ZNF142: variants seen among roughly 807,000 people sequenced by gnomAD.
ZNF142 encodes zinc finger protein 142, also known as zinc finger protein 142 (clone pHZ-49).
In ZNF142, 96 loss-of-function variants were observed where a neutral mutation model predicts 132.1. The observed-to-expected ratio is 0.73, with a 90% CI of 0.62 to 0.86. The LOEUF is 0.86. ZNF142 is among the 40% of genes least tolerant of loss of function. The pLI is 0.00. For missense variants in ZNF142, 2,163 were observed against 2,336.2 expected (o/e 0.93, Z 1.53); for synonymous variants, 842 against 890.1 (o/e 0.95, Z 0.96).
rs1696629514 is a variant in ZNF142, at chr2:218,634,954, G to A, written c.*3385C>T. On this transcript the variant is annotated 3_prime_UTR_variant, in exon 11 of 11. Coordinates refer to ENST00000411696, the MANE Select transcript of ZNF142 (RefSeq NM_001379659.1). This position sits in a 1 kb window ranked among gnomAD's most constrained non-coding sequence, Gnocchi z 4.0. ...GGCACACAGGAAGTGCTATAAAAGA[G>A]GCTGGCTGGGAGCGATAGCTTACAC... 6.6e-6 allele frequency among the ~76,000 whole-genome samples: 1 copy of A among 152,152 alleles called. No homozygotes were observed. Among genetic ancestry groups the A allele is most frequent in the Admixed American group, 6.5e-5 (1 of 15,282 alleles).
rs1458523667 is a variant in ZNF142 at position 218,649,154 on chromosome 2, T to C, written c.1354A>G (p.Thr452Ala). The change falls in exon 7 of 11, where the codon ACC (threonine) becomes GCC (alanine). Residue 452 changes from threonine to alanine, a missense_variant. Around this residue, in one of 7 missense-constraint regions of ZNF142, gnomAD observed 749 missense variants for 830.3 expected, o/e 0.90. Coordinates refer to ENST00000411696, the MANE Select transcript of ZNF142 (RefSeq NM_001379659.1). ...HEDISNFYSDTYACPVCREEF... is the reference protein window; with the variant it reads ...HEDISNFYSDAYACPVCREEF... ...TCACGGCAGACAGGACAGGCATAGGTGTCTGAGTAGAAGTTGGAAATATCT... is the reference window on the plus strand; with the variant it reads ...TCACGGCAGACAGGACAGGCATAGGCGTCTGAGTAGAAGTTGGAAATATCT... The C allele has an allele frequency of 6.2e-7, 1 of 1,613,960 alleles. No homozygotes were observed. Among genetic ancestry groups the C allele is most frequent in the African/African-American group, 1.3e-5 (1 of 74,898 alleles).
At chr2:218,640,817 A>T in intron 9 of ZNF142, 48 bp from the exon 10 acceptor site, 1 of 1,451,630 alleles carries the variant, frequency 6.9e-7, no homozygotes, top group East Asian at 2.3e-5. Context: ...AGTGCTCAAT[A>T]AATGTTAGCT....
rs1217905028 is a variant in ZNF142 at position 218,634,372 on chromosome 2, C to T, written c.*3967G>A. The T allele has an allele frequency of 6.4e-7, 1 of 1,571,624 alleles. No homozygotes were observed. The highest frequency in any genetic ancestry group is 1.2e-5 in the South Asian group (1 of 84,148). On this transcript the variant is annotated 3_prime_UTR_variant, in exon 11 of 11. Coordinates refer to ENST00000411696, the MANE Select transcript of ZNF142 (RefSeq NM_001379659.1). This position sits in a 1 kb window ranked among gnomAD's most constrained non-coding sequence, Gnocchi z 4.0. ...ATATTACCAGCAGGTACCGTGCACC[C>T]AGTACCTATCTTCTTAACTCCCTGA... is the stretch of plus-strand genomic sequence containing the variant.
rs191683092 is a variant in ZNF142 at position 218,656,260 on chromosome 2, C to G, written c.170G>C (p.Gly57Ala). ...TGCTGTGGCCTCTACCAGCAGGCAGCCTGGCTCAGTAGGTATAGGTGCAGG... is the reference window on the plus strand; with the variant it reads ...TGCTGTGGCCTCTACCAGCAGGCAGGCTGGCTCAGTAGGTATAGGTGCAGG... ...RDPAPIPTEP[G>A]CLLVEATATE... The change falls in exon 4 of 11, where the codon GGC becomes GCC. Residue 57 changes from glycine to alanine, a missense_variant. This residue lies in a region of ZNF142 where 195 missense variants were observed against 172.4 expected (regional missense o/e 1.13). Transcript: ENST00000411696. 27 of 1,613,588 alleles carry G rather than the reference C, an allele frequency of 1.7e-5. No individual in the cohort carries two copies. The African/African-American group carries it at 2.5e-4, about 15-fold the overall frequency.
At position 218,651,707 on chromosome 2, in the gene ZNF142, G is replaced by A. The variant is rs1236201399; in HGVS notation, c.874C>T (p.Leu292=). The A allele has an allele frequency of 7.8e-7, 1 of 1,282,586 alleles. No individual in the cohort carries two copies. The highest frequency in any genetic ancestry group is 1.3e-5 in the South Asian group (1 of 79,902). The allele number at this position is 1,282,586 out of a possible 1,614,324, so 79.5% of individuals were successfully genotyped here. Residue 292 remains leucine (L), a synonymous_variant, in exon 5 of 11, where the codon CTG becomes TTG. Coordinates refer to ENST00000411696, the MANE Select transcript of ZNF142 (RefSeq NM_001379659.1). ...AVQGLPSQEL[L]PAPKLPPGER... ...TTGGCCCTTGGCCTCATACCTGGCA[G>A]CAGCTCCTGGGATGGAAGGCCCTGA... is the stretch of plus-strand genomic sequence containing the variant.
Position 218,642,967 on chromosome 2 carries a change from GCT to G in ZNF142, c.4147_4148del (p.Ser1383ProfsTer23), listed in dbSNP as rs1202470469. On this transcript the variant is annotated frameshift_variant, in exon 9 of 11. Transcript: ENST00000411696. LOFTEE classifies it high-confidence loss of function. This position sits in a 1 kb window ranked among gnomAD's most constrained non-coding sequence, Gnocchi z 4.6. ...GCCGCCGGTGCTGCTGCATGCAACG[GCT>G]CTGTTTACAGGTGAAGCCACAGTCC... ...CGDCGFTCKQ[S>X]RCMQQHRRLK... The G allele has an allele frequency of 1.2e-5, 19 of 1,613,346 alleles. No individual in the cohort carries two copies. The highest frequency in any genetic ancestry group is 1.4e-5 in the Non-Finnish European group (17 of 1,179,846).
chr2:218,642,399 G>A lies in ZNF142; in HGVS notation c.4717C>T (p.Arg1573Trp), dbSNP rs778031136. 91 of 1,612,794 alleles carry A rather than the reference G, an allele frequency of 5.6e-5. No homozygotes were observed. The highest frequency in any genetic ancestry group is 3.3e-4 in the Admixed American group (20 of 60,008). Residue 1573 changes from arginine to tryptophan, a missense_variant, in exon 9 of 11, where the codon CGG (arginine) becomes TGG (tryptophan). Physicochemically the swap from Arg to Trp is moderately radical, Grantham distance 101. Coordinates refer to ENST00000411696, the MANE Select transcript of ZNF142 (RefSeq NM_001379659.1). The surrounding 1 kb of genome is among the most constrained non-coding windows in gnomAD (Gnocchi z 4.6). ...FPSRLALDEH[R>W]RQQHFSHRCQ... is the part of the protein sequence containing the mutation. ...CGGTGGCTGAAATGCTGCTGCCTCC[G>A]GTGCTCATCCAGAGCCAGTCGGCTA...
In ZNF142 at chr2:218,643,453, A is replaced by C; in HGVS notation, c.3663T>G (p.Phe1221Leu). The C allele has an allele frequency of 6.2e-7, 1 of 1,614,228 alleles. No homozygotes were observed. The highest frequency in any genetic ancestry group is 1.1e-5 in the South Asian group (1 of 91,088). The change falls in exon 9 of 11, where the codon TTT becomes TTG. Residue 1221 changes from phenylalanine to leucine, a missense_variant. This residue lies in a region of ZNF142 where 809 missense variants were observed against 801.7 expected (regional missense o/e 1.01). Coordinates refer to ENST00000411696, the MANE Select transcript of ZNF142 (RefSeq NM_001379659.1). ...SPTEALKKHRFEQGKFHCNSC... is the reference protein window; with the variant it reads ...SPTEALKKHRLEQGKFHCNSC... ...AGTTGCAGTGAAACTTGCCCTGCTCAAAGCGGTGCTTCTTCAGGGCCTCTG... is the reference window on the plus strand; with the variant it reads ...AGTTGCAGTGAAACTTGCCCTGCTCCAAGCGGTGCTTCTTCAGGGCCTCTG...
intron 7 of ZNF142, among the ~76,000 whole-genome samples, chr2:218,646,795 C>T (rs1454286340): frequency 6.6e-6 from 1 of 152,110 alleles, no homozygotes; most frequent in African/African-American, 2.4e-5. Context: ...CCATGTTAGC[C>T]AGGCTGTTCT....
At position 218,637,165 on chromosome 2, in the gene ZNF142, T is replaced by C; in HGVS notation, c.*1174A>G. ...CCTTAGCCCCACTGGTATAAATACA[T>C]CTCTCTCCAATTTGGCTTCAATATG... On this transcript the variant is annotated 3_prime_UTR_variant, in exon 11 of 11. Coordinates refer to ENST00000411696, the MANE Select transcript of ZNF142 (RefSeq NM_001379659.1). 1 of 257,538 alleles carries C rather than the reference T, an allele frequency of 3.9e-6. No homozygotes were observed. Among genetic ancestry groups the C allele is most frequent in the South Asian group, 4.3e-5 (1 of 23,006 alleles). 16.0% of individuals were successfully genotyped at this position (257,538 alleles called of 1,614,324 possible).
At position 218,636,950 on chromosome 2, in the gene ZNF142, T is replaced by C. The variant is rs1251052764; in HGVS notation, c.*1389A>G. ...ACTAGAAATTCAGAGGGGCTTGGAA[T>C]AGAGAAACCTAAAGAAGCATCATCC... On this transcript the variant is annotated 3_prime_UTR_variant, in exon 11 of 11. Transcript: ENST00000411696. 1.7e-5 allele frequency: 8 copies of C among 458,010 alleles called. No homozygotes were observed. The highest frequency in any genetic ancestry group is 3.1e-5 in the Non-Finnish European group (7 of 228,448). The allele number at this position is 458,010 out of a possible 1,614,324, so 28.4% of individuals were successfully genotyped here. A position where few individuals can be genotyped will look rare whatever the true frequency, so the allele number is the denominator to read the frequency against.
rs113439812 is a variant in ZNF142 at position 218,641,736 on chromosome 2, G to A, written c.5088+292C>T. Among the ~76,000 whole-genome samples, 8,789 of 151,986 alleles carry A rather than the reference G, an allele frequency of 0.058. 708 individuals carry two copies. Among genetic ancestry groups the A allele is most frequent in the African/African-American group, 0.19 (7,875 of 41,424 alleles). The stretch of plus-strand genomic sequence containing the variant: ...GAAAAAGTTTTTGTAATGGGATCTC[G>A]CTCTGCTGCCGAGTGGTCTTCAACT... On this transcript the variant is annotated intron_variant, in intron 9 of 10. Transcript: ENST00000411696.
rs1559287527 is a variant in ZNF142 at position 218,642,103 on chromosome 2, G to A, written c.5013C>T (p.Ser1671=). The A allele has an allele frequency of 2.5e-6, 4 of 1,614,224 alleles. No individual in the cohort carries two copies. Among genetic ancestry groups the A allele is most frequent in the African/African-American group, 1.3e-5 (1 of 75,046 alleles). The part of the protein sequence containing the change: ...TKNRQKITWH[S]RIHTGEKPYH... ...AAGGCTTTTCCCCAGTGTGGATGCG[G>A]CTGTGCCAGGTGATCTTCTGTCGGT... Residue 1671 remains serine (S), a synonymous_variant, in exon 9 of 11, where the codon AGC becomes AGT. Transcript: ENST00000411696. The surrounding 1 kb of genome is among the most constrained non-coding windows in gnomAD (Gnocchi z 4.6).
In ZNF142 at chr2:218,645,053, T is replaced by C. The variant is rs753252069; in HGVS notation, c.2063A>G (p.Asn688Ser). ...KHAGDLRYQC[N>S]QCSYRCHRAD... ...CCGGTGACAGCGATAGGAGCACTGGTTGCACTGATACCTGGCAAGGAGGGA... is the reference window on the plus strand; with the variant it reads ...CCGGTGACAGCGATAGGAGCACTGGCTGCACTGATACCTGGCAAGGAGGGA... Residue 688 changes from asparagine (N) to serine (S), a missense_variant, in exon 9 of 11, where the codon AAC (asparagine) becomes AGC (serine). This residue lies in a region of ZNF142 where 749 missense variants were observed against 830.3 expected (regional missense o/e 0.90). Transcript: ENST00000411696. 8 of 1,608,036 alleles carry C rather than the reference T, an allele frequency of 5.0e-6. No homozygotes were observed. The highest frequency in any genetic ancestry group is 1.7e-4 in the Middle Eastern group (1 of 5,880).
chr2:218,644,464 G>A lies in ZNF142; in HGVS notation c.2652C>T (p.Ser884=). ...PHGGDLGGSP[S]PAEVEEGSCT... is the part of the protein sequence containing the mutation. ...AGCTGCCCTCCTCCACCTCTGCTGG[G>A]CTGGGACTGCCACCCAGGTCACCCC... The change falls in exon 9 of 11, where the codon AGC becomes AGT. Residue 884 remains serine (S), a synonymous_variant. Transcript: ENST00000411696. The surrounding 1 kb of genome is among the most constrained non-coding windows in gnomAD (Gnocchi z 4.6). 1 of 1,614,014 alleles carries A rather than the reference G, an allele frequency of 6.2e-7. No homozygotes were observed. The highest frequency in any genetic ancestry group is 8.5e-7 in the Non-Finnish European group (1 of 1,180,018).
intron 8 of ZNF142, 130 bp from the exon 9 acceptor site, chr2:218,645,194 C>G (rs1697631941): frequency 1.1e-5 from 13 of 1,145,682 alleles, no homozygotes; most frequent in Non-Finnish European, 1.5e-5. Flanking sequence ...TGTAACCCTC[C>G]TTTTCACTAC....
At position 218,644,477 on chromosome 2, in the gene ZNF142, C is replaced by T. The variant is rs368561261; in HGVS notation, c.2639G>A (p.Gly880Asp). The T allele has an allele frequency of 5.6e-6, 9 of 1,613,872 alleles. No individual in the cohort carries two copies. Among genetic ancestry groups the T allele is most frequent in the Non-Finnish European group, 7.6e-6 (9 of 1,180,018 alleles). ...CACCTCTGCTGGGCTGGGACTGCCACCCAGGTCACCCCCATGGGGAGCCTC... is the reference window on the plus strand; with the variant it reads ...CACCTCTGCTGGGCTGGGACTGCCATCCAGGTCACCCCCATGGGGAGCCTC... ...GSEAPHGGDL[G>D]GSPSPAEVEE... The change falls in exon 9 of 11, where the codon GGT (glycine) becomes GAT (aspartate). Residue 880 changes from glycine to aspartate, a missense_variant. Gly to Asp is a moderately conservative substitution (Grantham distance 94). Coordinates refer to ENST00000411696, the MANE Select transcript of ZNF142 (RefSeq NM_001379659.1). This position sits in a 1 kb window ranked among gnomAD's most constrained non-coding sequence, Gnocchi z 4.6.
At position 218,644,559 on chromosome 2, in the gene ZNF142, C is replaced by A; in HGVS notation, c.2557G>T (p.Asp853Tyr). Residue 853 changes from aspartate (D) to tyrosine (Y), a missense_variant, in exon 9 of 11, where the codon GAC (aspartate) becomes TAC (tyrosine). Asp to Tyr is a radical substitution (Grantham distance 160). Coordinates refer to ENST00000411696, the MANE Select transcript of ZNF142 (RefSeq NM_001379659.1). The surrounding 1 kb of genome is among the most constrained non-coding windows in gnomAD (Gnocchi z 4.6). ...TCACTCATCTCTGGCAGGGCCTGGT[C>A]CAAGCTGGGGTCCACCACAGTCCCA... ...EPGTVVDPSL[D>Y]QALPEMSEEV... 1 of 1,614,106 alleles carries A rather than the reference C, an allele frequency of 6.2e-7. No homozygotes were observed. The highest frequency in any genetic ancestry group is 1.1e-5 in the South Asian group (1 of 91,080).
Position 218,649,137 on chromosome 2 carries a change from G to T in ZNF142, c.1371C>A (p.Val457=), listed in dbSNP as rs766880966. 1 of 1,614,176 alleles carries T rather than the reference G, an allele frequency of 6.2e-7. No individual in the cohort carries two copies. Among genetic ancestry groups the T allele is most frequent in the Non-Finnish European group, 8.5e-7 (1 of 1,180,048 alleles). ...NFYSDTYACP[V]CREEFRLSQA... The stretch of plus-strand genomic sequence containing the variant: ...GGCTGAGGCGGAATTCCTCACGGCA[G>T]ACAGGACAGGCATAGGTGTCTGAGT... The change falls in exon 7 of 11, where the codon GTC becomes GTA. Residue 457 remains valine, a synonymous_variant. Coordinates refer to ENST00000411696, the MANE Select transcript of ZNF142 (RefSeq NM_001379659.1).
Sources: gnomAD v4.1 joint callset for allele counts (sites outside exome capture counted in the v4.1 genomes callset) on GRCh38, gnomAD v4.1.1 for gene constraint, gnomAD v4.1.1 regional missense constraint, Gnocchi (gnomAD v3.1) non-coding constraint, MANE v1.5 for transcripts, NCBI Gene and HGNC (gene_info 2026-07-23, HGNC 2026-07-21) for gene names.